The following LRP12 variants were observed in gnomAD, a reference collection of about 807,000 sequenced individuals.
The protein encoded by LRP12 is LDL receptor related protein 12, also known as low-density lipoprotein receptor-related protein 12.
Under a neutral mutation model 66.0 loss-of-function variants are expected in LRP12, and 14 were observed. The ratio of observed to expected loss-of-function variants is 0.21; its 90% CI spans 0.14 to 0.33. LRP12 has a LOEUF of 0.33. LRP12 is among the 10% of genes least tolerant of loss of function. LRP12 has a pLI of 1.00. For missense variants in LRP12, 889 were observed against 1,053.4 expected, an observed-to-expected ratio of 0.84 and a Z score of 2.16; for synonymous variants, 357 against 359.1, an observed-to-expected ratio of 0.99 and a Z score of 0.07.
Position 104,489,301 on chromosome 8 carries a change from A to C in LRP12, c.*1372T>G, listed in dbSNP as rs1810578974. On this transcript the variant is annotated 3_prime_UTR_variant, in exon 7 of 7. Transcript: ENST00000276654. The stretch of plus-strand genomic sequence containing the variant: ...TTTTTGATACATATTAAAACATCTT[A>C]GTCAGTTCCTCCTGACAGCATTAAC... 1.3e-5 allele frequency: 2 copies of C among 152,480 alleles called. No homozygotes were observed. Among genetic ancestry groups the C allele is most frequent in the African/African-American group, 4.8e-5 (2 of 41,434 alleles). The allele number at this position is 152,480 out of a possible 1,614,324, so 9.4% of individuals were successfully genotyped here.
chr8:104,571,235 G>C (rs1458219498), intron 1 of LRP12, among the ~76,000 whole-genome samples: 1 of 152,118 alleles, frequency 6.6e-6, no homozygotes, highest in East Asian at 1.9e-4. Context: ...TAAAGCAGGA[G>C]TCCCTAACCC....
At chr8:104,520,275 T>TC (rs1385032858) in intron 2 of LRP12, among the ~76,000 whole-genome samples, 9 of 152,022 alleles carry the variant, frequency 5.9e-5, no homozygotes, top group Non-Finnish European at 1.2e-4. Flanking sequence ...AATTTTTTTT[T>TC]CCTGCAAGGG....
chr8:104,492,809 T>TA (rs1810658795), intron 6 of LRP12, among the ~76,000 whole-genome samples: 1 of 151,336 alleles, frequency 6.6e-6, no homozygotes, highest in Admixed American at 6.6e-5. Flanking sequence ...TACAGATGAG[T>TA]AAGAGTTTTC....
At chr8:104,505,888 G>C (rs1341141862) in intron 3 of LRP12, 1 of 152,058 alleles carries the variant, frequency 6.6e-6, no homozygotes, top group African/African-American at 2.4e-5. Context: ...ATCACAAATA[G>C]GGTAGAAACA....
At chr8:104,522,851 TA>T (rs35679115) in intron 2 of LRP12, among the ~76,000 whole-genome samples, 4 of 149,788 alleles carry the variant, frequency 2.7e-5, no homozygotes, top group Admixed American at 6.7e-5. Flanking sequence ...AAATGTTACT[TA>T]AAAAAAAACA....
At chr8:104,552,259 T>C (rs1337804985) in intron 1 of LRP12, among the ~76,000 whole-genome samples, 1 of 152,014 alleles carries the variant, frequency 6.6e-6, no homozygotes, top group East Asian at 1.9e-4. Flanking sequence ...GGGATGGGGA[T>C]ACCAAGAAAA....
At chr8:104,514,320 A>AT (rs1482419513) in intron 2 of LRP12, among the ~76,000 whole-genome samples, 1 of 151,792 alleles carries the variant, frequency 6.6e-6, no homozygotes. Flanking sequence ...CTGTAATTTC[A>AT]TTTTTCCTAG....
At chr8:104,585,313 C>T (rs555041665) in intron 1 of LRP12, among the ~76,000 whole-genome samples, 2 of 152,332 alleles carry the variant, frequency 1.3e-5, no homozygotes, top group African/African-American at 2.4e-5. Flanking sequence ...GTAACCTCCA[C>T]CTTCCTGGTT....
intron 2 of LRP12, among the ~76,000 whole-genome samples, chr8:104,514,140 C>T (rs994227602): frequency 6.6e-6 from 1 of 152,092 alleles, no homozygotes; most frequent in Non-Finnish European, 1.5e-5. Flanking sequence ...ATTGAGCCTG[C>T]CTTCACCACT....
chr8:104,515,268 AG>A (rs896052555), intron 2 of LRP12, among the ~76,000 whole-genome samples: 4 of 152,178 alleles, frequency 2.6e-5, no homozygotes, highest in Non-Finnish European at 5.9e-5. Flanking sequence ...GCTTAAACAT[AG>A]TTATTTCAGC....
chr8:104,503,744 T>G (rs998485260), intron 3 of LRP12, among the ~76,000 whole-genome samples: 2 of 152,196 alleles, frequency 1.3e-5, no homozygotes, highest in African/African-American at 4.8e-5. Flanking sequence ...TCTTTAAGTT[T>G]GCTTTAGACT....
At chr8:104,563,354 A>G (rs1443888381) in intron 1 of LRP12, among the ~76,000 whole-genome samples, 1 of 152,190 alleles carries the variant, frequency 6.6e-6, no homozygotes, top group Admixed American at 6.5e-5. Flanking sequence ...AAGAAACTAA[A>G]CTTCAGATAT....
chr8:104,490,572 A>AT lies in LRP12; in HGVS notation c.*100dup. 7.4e-7 allele frequency: 1 copy of AT among 1,354,466 alleles called. No individual in the cohort carries two copies. Among genetic ancestry groups the AT allele is most frequent in the Non-Finnish European group, 1.0e-6 (1 of 993,106 alleles). The allele number at this position is 1,354,466 out of a possible 1,614,324, so 83.9% of individuals were successfully genotyped here. On this transcript the variant is annotated 3_prime_UTR_variant, in exon 7 of 7. Coordinates refer to ENST00000276654, the MANE Select transcript of LRP12 (RefSeq NM_013437.5). ...ATATAATAATAAGAAATCACCCTGC[A>AT]TTTTTTCTTTTTAAACTAAAACTAG... is the stretch of plus-strand genomic sequence containing the variant.
chr8:104,532,368 G>A (rs1045319932), intron 1 of LRP12, among the ~76,000 whole-genome samples: 2 of 147,264 alleles, frequency 1.4e-5, no homozygotes, highest in East Asian at 2.0e-4. Context: ...ACATATGTTG[G>A]TACTTAAAAA....
intron 2 of LRP12, among the ~76,000 whole-genome samples, chr8:104,512,730 G>T (rs1022809424): frequency 6.6e-6 from 1 of 152,088 alleles, no homozygotes; most frequent in South Asian, 2.1e-4. Flanking sequence ...AAACCCATAG[G>T]TGGTGCTCTT....
intron 2 of LRP12, among the ~76,000 whole-genome samples, chr8:104,512,504 AC>A (rs1811013788): frequency 1.3e-5 from 2 of 152,216 alleles, no homozygotes; most frequent in African/African-American, 2.4e-5. Flanking sequence ...GAGTTAAATT[AC>A]ATTTAACTCA....
intron 5 of LRP12, 164 bp from the exon 6 acceptor site, chr8:104,495,373 T>C (rs1810707832): frequency 1.6e-6 from 1 of 636,550 alleles, no homozygotes; most frequent in Non-Finnish European, 2.6e-6. Flanking sequence ...ATCCCTACAG[T>C]GGGAATACAA....
intron 6 of LRP12, among the ~76,000 whole-genome samples, chr8:104,494,542 CACT>C (rs1003234080): frequency 5.3e-5 from 8 of 152,054 alleles, no homozygotes; most frequent in East Asian, 1.9e-4. Context: ...CATTTTTAAG[CACT>C]ACGAGAAAAA....
intron 1 of LRP12, among the ~76,000 whole-genome samples, chr8:104,538,176 ATTG>A (rs1222583057): frequency 1.3e-5 from 2 of 152,230 alleles, no homozygotes; most frequent in South Asian, 4.1e-4. Flanking sequence ...ATTTAAGGGC[ATTG>A]TTAAAAAGAG....
Sources: gnomAD v4.1 joint callset for allele counts (sites outside exome capture counted in the v4.1 genomes callset) on GRCh38, gnomAD v4.1.1 for gene constraint, MANE v1.5 for transcripts, NCBI Gene and HGNC (gene_info 2026-07-23, HGNC 2026-07-21) for gene names.